PRH1: variants seen among roughly 807,000 people sequenced by gnomAD.
PRH1 encodes salivary acidic proline-rich phosphoprotein 1/2.
Under a neutral mutation model 7.9 loss-of-function variants are expected in PRH1, and 7 were observed. The observed-to-expected ratio is 0.89, with a 90% CI of 0.50 to 1.67. The LOEUF (loss-of-function observed/expected upper bound fraction) is 1.67, where lower values mean the gene tolerates loss of function less well. Among genes scored for constraint, PRH1 ranks in the 40% most tolerant of loss-of-function variants. PRH1 has a pLI of 0.00. For missense variants in PRH1, 109 were observed against 223.6 expected, an observed-to-expected ratio of 0.49 and a Z score of 3.27; for synonymous variants, 45 against 80.8, an observed-to-expected ratio of 0.56 and a Z score of 2.38.
intron 1 of PRH1, among the ~76,000 whole-genome samples, chr12:11,033,484 G>C (rs1159464899): frequency 5.9e-5 from 9 of 152,200 alleles, no homozygotes; most frequent in Non-Finnish European, 1.3e-4. Context: ...AAACATAACT[G>C]ATAAAAGAAC....
At chr12:10,893,385 T>G (rs1255194002) in intron 2 of PRH1, among the ~76,000 whole-genome samples, 3 of 152,234 alleles carry the variant, frequency 2.0e-5, no homozygotes, top group African/African-American at 7.2e-5. Context: ...ATTTATAAAT[T>G]TATTCTTGTT....
chr12:11,000,336 GAAAAATATCA>G (rs1382782838), intron 1 of PRH1, among the ~76,000 whole-genome samples: 1 of 151,778 alleles, frequency 6.6e-6, no homozygotes, highest in Non-Finnish European at 1.5e-5. Context: ...TTTTTTATCT[GAAAAATATCA>G]TTTGGATTTC....
chr12:10,929,408 G>C lies in PRH1; in HGVS notation c.-59+44247C>G. The C allele has an allele frequency of 3.8e-6, 6 of 1,583,152 alleles. No individual in the cohort carries two copies. The South Asian group carries it at 6.7e-5, about 18-fold the overall frequency. ...CGGGCGAATGCTATAGAGGGGGAAA[G>C]TGGAGGGAAGAGAGGAGGATGAGAA... On this transcript the variant is annotated intron_variant, in intron 2 of 3. Coordinates refer to the PRH1 transcript ENST00000539853.
chr12:10,889,801 C>A (rs1949544834), intron 2 of PRH1, among the ~76,000 whole-genome samples: 1 of 151,998 alleles, frequency 6.6e-6, no homozygotes, highest in Admixed American at 6.6e-5. Context: ...ATTTATCATG[C>A]CCAATAAAGG....
chr12:10,889,803 C>T (rs1000054132), intron 2 of PRH1, among the ~76,000 whole-genome samples: 1 of 151,992 alleles, frequency 6.6e-6, no homozygotes. Flanking sequence ...TTATCATGCC[C>T]AATAAAGGTT....
At chr12:11,022,618 TC>T in intron 1 of PRH1, 1 of 1,331,170 alleles carries the variant, frequency 7.5e-7, no homozygotes, top group South Asian at 1.4e-5. Context: ...TTGTTCTGAG[TC>T]CTTTAACATC....
rs746351119 is a variant in PRH1, at chr12:11,134,040, T to C, written n.40-12860A>G. ...CTATAAAAAGCTGGATTCAACTGAGTTGCATACCAATGTAGTAATAACACC... is the reference window on the plus strand; with the variant it reads ...CTATAAAAAGCTGGATTCAACTGAGCTGCATACCAATGTAGTAATAACACC... On this transcript the variant is annotated intron_variant and non_coding_transcript_variant, in intron 1 of 1. Coordinates refer to the PRH1 transcript ENST00000541175. 62 of 1,613,978 alleles carry C rather than the reference T, an allele frequency of 3.8e-5. No homozygotes were observed. The highest frequency in any genetic ancestry group is 1.6e-4 in the Middle Eastern group (1 of 6,084).
At chr12:11,046,354 T>A (rs1942897461) in intron 1 of PRH1, among the ~76,000 whole-genome samples, 1 of 152,164 alleles carries the variant, frequency 6.6e-6, no homozygotes. Flanking sequence ...GCCCTATACA[T>A]GCATGGTATA....
At chr12:11,066,096 A>C (rs1366933798) in intron 1 of PRH1, among the ~76,000 whole-genome samples, 1 of 151,998 alleles carries the variant, frequency 6.6e-6, no homozygotes, top group Non-Finnish European at 1.5e-5. Context: ...AGAGTAAAAC[A>C]GTACATACAA....
At chr12:11,018,196 C>T (rs1941392961) in intron 1 of PRH1, among the ~76,000 whole-genome samples, 1 of 152,104 alleles carries the variant, frequency 6.6e-6, no homozygotes, top group African/African-American at 2.4e-5. Flanking sequence ...AAAGCAAACC[C>T]CTAGGGAATT....
At chr12:10,912,035 C>T (rs1026353026) in intron 2 of PRH1, among the ~76,000 whole-genome samples, 2 of 152,164 alleles carry the variant, frequency 1.3e-5, no homozygotes, top group African/African-American at 4.8e-5. Context: ...TGGAATAATA[C>T]TGTACACAAT....
chr12:10,955,228 C>T (rs114730288), intron 2 of PRH1, among the ~76,000 whole-genome samples: 3,017 of 152,158 alleles, frequency 0.02, 35 homozygotes, highest in African/African-American at 0.031. Context: ...ACCATACCAA[C>T]CACATTCTTG....
At chr12:10,935,671 A>G (rs1278287292) in intron 2 of PRH1, among the ~76,000 whole-genome samples, 2 of 152,326 alleles carry the variant, frequency 1.3e-5, no homozygotes, top group East Asian at 3.9e-4. Context: ...ATGGCTGTTA[A>G]ATCTTACTCC....
downstream of PRH1, among the ~76,000 whole-genome samples, chr12:11,116,162 A>C (rs867809989): frequency 1.1e-4 from 16 of 152,056 alleles, no homozygotes; most frequent in African/African-American, 3.9e-4. Context: ...CCGACCAAGA[A>C]AAAAAGATCA....
chr12:10,932,317 G>T, intron 2 of PRH1: 1 of 356,816 alleles, frequency 2.8e-6, no homozygotes, highest in Non-Finnish European at 6.2e-6. Flanking sequence ...TAATCAGCTT[G>T]CAATTTCTGA....
At chr12:10,920,920 C>T (rs1457449726) in intron 2 of PRH1, among the ~76,000 whole-genome samples, 1 of 151,942 alleles carries the variant, frequency 6.6e-6, no homozygotes, top group African/African-American at 2.4e-5. Flanking sequence ...GGGTATTTAT[C>T]TTGATTAGGA....
At chr12:11,115,489 C>T (rs1030452463) in intron 1 of PRH1, among the ~76,000 whole-genome samples, 3 of 152,050 alleles carry the variant, frequency 2.0e-5, no homozygotes, top group African/African-American at 4.8e-5. Context: ...CAGACAGATC[C>T]TCCAGACAGA....
chr12:11,144,702 T>C (rs1401740424), intron 1 of PRH1, among the ~76,000 whole-genome samples: 1 of 152,200 alleles, frequency 6.6e-6, no homozygotes, highest in Non-Finnish European at 1.5e-5. Flanking sequence ...GCCACCCTCC[T>C]GATGGAGTAC....
At position 10,938,594 on chromosome 12, in the gene PRH1, A is replaced by G. The variant is rs748057911; in HGVS notation, c.-59+35061T>C. ...CTGCATCTTCTTGCGATGTTTCCAC[A>G]TGGAGAAGATGAGGAGAAGAAACAT... On this transcript the variant is annotated intron_variant, in intron 2 of 3. Coordinates refer to the PRH1 transcript ENST00000539853. The G allele has an allele frequency of 1.1e-5, 18 of 1,613,830 alleles. 1 individual carries two copies. In the East Asian group the frequency reaches 3.6e-4, roughly 32 times the overall value.
Sources: allele counts gnomAD v4.1 joint callset (sites outside exome capture counted in the v4.1 genomes callset), GRCh38; gene constraint gnomAD v4.1.1; transcripts MANE v1.5; gene names NCBI Gene and HGNC (gene_info 2026-07-23, HGNC 2026-07-21).